ERI1: variants seen among roughly 807,000 people sequenced by gnomAD.
The protein encoded by ERI1 is exoribonuclease 1.
Under a neutral mutation model 39.7 loss-of-function variants are expected in ERI1, and 39 were observed. The observed-to-expected ratio is 0.98, with a 90% CI of 0.76 to 1.28. ERI1 has a LOEUF of 1.28. ERI1 is among the 50% of genes most tolerant of loss of function. ERI1 has a pLI of 0.00. For missense variants in ERI1, 581 were observed against 416.9 expected (o/e 1.39, Z -3.43); for synonymous variants, 204 against 149.6 (o/e 1.36, Z -2.65).
chr8:9,086,885 G>C (rs1398085939), intron 3 of ERI1, among the ~76,000 whole-genome samples: 3 of 152,100 alleles, frequency 2.0e-5, no homozygotes, highest in African/African-American at 7.2e-5. Flanking sequence ...TTACTATTAT[G>C]TATACCCATT....
At chr8:9,042,031 G>A (rs1798040285) in intron 3 of ERI1, among the ~76,000 whole-genome samples, 1 of 152,216 alleles carries the variant, frequency 6.6e-6, no homozygotes, top group African/African-American at 2.4e-5. Context: ...ACCGCACCCA[G>A]CCAAGAGATT....
chr8:9,055,885 T>C (rs1798492009), intron 3 of ERI1, among the ~76,000 whole-genome samples: 1 of 152,156 alleles, frequency 6.6e-6, no homozygotes, highest in African/African-American at 2.4e-5. Context: ...AAAGGGGTTC[T>C]GGTTTCTATG....
At chr8:9,092,162 G>A (rs1030378544) in intron 3 of ERI1, among the ~76,000 whole-genome samples, 45 of 152,284 alleles carry the variant, frequency 3.0e-4, no homozygotes, top group Admixed American at 2.9e-3. Context: ...TCGCCATGTT[G>A]CCCAGGCTGG....
chr8:9,050,873 A>T lies in ERI1; in HGVS notation n.299+30409A>T, dbSNP rs142982760. Among the ~76,000 whole-genome samples the T allele has an allele frequency of 1.3e-5, 2 of 152,078 alleles. 1 individual carries two copies. The highest frequency in any genetic ancestry group is 4.2e-4 in the South Asian group (2 of 4,814). The stretch of plus-strand genomic sequence containing the variant: ...TGCTGTGGGGACCAAAGAGATAATA[A>T]GGTGCAAAAGTGACTCAGGGCAGCA... On this transcript the variant is annotated intron_variant and non_coding_transcript_variant, in intron 3 of 3. Transcript: ENST00000518663.
downstream of ERI1, among the ~76,000 whole-genome samples, chr8:9,034,363 G>GTTTTT (rs565633308): frequency 1.3e-5 from 2 of 152,138 alleles, no homozygotes; most frequent in Admixed American, 6.5e-5. Context: ...GTTTTGTTTT[G>GTTTTT]TTTTTTAACA....
At chr8:9,094,441 A>G (rs1394478347) in intron 3 of ERI1, among the ~76,000 whole-genome samples, 1 of 152,032 alleles carries the variant, frequency 6.6e-6, no homozygotes, top group Non-Finnish European at 1.5e-5. Context: ...TTTTCAATCC[A>G]CGTACCTCTT....
At chr8:9,066,923 G>A (rs117904802) in intron 3 of ERI1, among the ~76,000 whole-genome samples, 1,539 of 152,208 alleles carry the variant, frequency 0.01, 7 homozygotes, top group Non-Finnish European at 0.013. Flanking sequence ...AAGCACGAAC[G>A]GTGACAGTCG....
At chr8:9,073,245 C>T (rs904877025) in intron 3 of ERI1, among the ~76,000 whole-genome samples, 1 of 152,226 alleles carries the variant, frequency 6.6e-6, no homozygotes, top group Non-Finnish European at 1.5e-5. Flanking sequence ...AGTATCTTAA[C>T]CACCACATAG....
chr8:9,060,929 C>T (rs371211021), intron 3 of ERI1, among the ~76,000 whole-genome samples: 3 of 152,136 alleles, frequency 2.0e-5, no homozygotes, highest in Non-Finnish European at 2.9e-5. Flanking sequence ...TGATGGAGGA[C>T]GCTTGCGTAG....
intron 3 of ERI1, among the ~76,000 whole-genome samples, chr8:9,013,555 C>A (rs556771905): frequency 2.6e-5 from 4 of 152,200 alleles, no homozygotes; most frequent in African/African-American, 9.6e-5. Context: ...TCTCTGCTTA[C>A]ATCCTTTCGC....
intron 1 of ERI1, chr8:9,004,015 C>G (rs375373178): frequency 8.6e-7 from 1 of 1,167,314 alleles, no homozygotes; most frequent in Non-Finnish European, 1.1e-6. Context: ...TCTGCGGGGT[C>G]GGGTGCCTGC....
At chr8:9,006,059 G>C (rs1375050107) in intron 1 of ERI1, among the ~76,000 whole-genome samples, 1 of 152,208 alleles carries the variant, frequency 6.6e-6, no homozygotes, top group Non-Finnish European at 1.5e-5. Context: ...GTAGTTACTG[G>C]TACGGATGCT....
intron 6 of ERI1, among the ~76,000 whole-genome samples, 186 bp downstream of exon 6, chr8:9,020,650 A>T (rs1184750860): frequency 6.6e-6 from 1 of 152,178 alleles, no homozygotes; most frequent in East Asian, 1.9e-4. Flanking sequence ...TCAACCTGTT[A>T]ACTTTATTTA....
intron 6 of ERI1, among the ~76,000 whole-genome samples, chr8:9,023,097 T>C (rs1264849109): frequency 6.6e-6 from 1 of 152,218 alleles, no homozygotes; most frequent in East Asian, 1.9e-4. Context: ...GATTTGTAGT[T>C]GGTTAATATG....
chr8:9,052,722 G>C (rs1798399018), intron 3 of ERI1, among the ~76,000 whole-genome samples: 1 of 152,150 alleles, frequency 6.6e-6, no homozygotes, highest in Non-Finnish European at 1.5e-5. Flanking sequence ...AATATGTTTG[G>C]TCTTTATCCC....
chr8:9,066,003 T>C (rs1280698610), intron 3 of ERI1, among the ~76,000 whole-genome samples: 1 of 152,050 alleles, frequency 6.6e-6, no homozygotes, highest in Non-Finnish European at 1.5e-5. Context: ...CCGCCTTTTT[T>C]TTCTTTGACT....
intron 3 of ERI1, among the ~76,000 whole-genome samples, chr8:9,042,985 A>C (rs1286249503): frequency 5.3e-5 from 8 of 152,310 alleles, no homozygotes; most frequent in African/African-American, 1.9e-4. Flanking sequence ...TCTGGAGAAG[A>C]AAGGTGTGGC....
chr8:9,097,940 A>C (rs1013622770), intron 3 of ERI1, among the ~76,000 whole-genome samples: 1 of 152,254 alleles, frequency 6.6e-6, no homozygotes, highest in Non-Finnish European at 1.5e-5. Context: ...CTACTCAGTC[A>C]TAAAAAGAAA....
At chr8:9,041,553 C>T (rs182352372) in intron 3 of ERI1, among the ~76,000 whole-genome samples, 2 of 152,218 alleles carry the variant, frequency 1.3e-5, no homozygotes, top group Non-Finnish European at 2.9e-5. Flanking sequence ...TAAACAAACA[C>T]GTGCAAATTA....
Sources: allele counts gnomAD v4.1 joint callset (sites outside exome capture counted in the v4.1 genomes callset), GRCh38; gene constraint gnomAD v4.1.1; transcripts MANE v1.5; gene names NCBI Gene and HGNC (gene_info 2026-07-23, HGNC 2026-07-21).